PRTG: variants seen among roughly 807,000 people sequenced by gnomAD.
The protein encoded by PRTG is protogenin.
In PRTG, 67 loss-of-function variants were observed where a neutral mutation model predicts 122.5. The observed-to-expected ratio is 0.55, with a 90% CI of 0.45 to 0.67. The LOEUF (loss-of-function observed/expected upper bound fraction) is 0.67, where lower values mean the gene tolerates loss of function less well. Ranked by LOEUF, PRTG falls within the 30% of genes least tolerant of loss-of-function variation. The pLI, the probability that PRTG is intolerant of heterozygous loss-of-function variation, is 0.00. For missense variants in PRTG, 1,435 were observed against 1,415.4 expected (o/e 1.01, Z -0.22); for synonymous variants, 554 against 501.1 (o/e 1.11, Z -1.41).
At chr15:55,628,307 C>G (rs892181211) in intron 16 of PRTG, among the ~76,000 whole-genome samples, 2 of 151,180 alleles carry the variant, frequency 1.3e-5, no homozygotes, top group African/African-American at 2.4e-5. Context: ...CTTGAGAACA[C>G]ATGGACAGCT....
chr15:55,625,626 C>CTTT (rs562628240), intron 17 of PRTG, among the ~76,000 whole-genome samples: 1 of 140,310 alleles, frequency 7.1e-6, no homozygotes. Flanking sequence ...CTAATTTTAA[C>CTTT]TTTTTTTTTT....
chr15:55,729,169 A>G (rs1567117700), intron 2 of PRTG, among the ~76,000 whole-genome samples: 1 of 152,226 alleles, frequency 6.6e-6, no homozygotes, highest in Non-Finnish European at 1.5e-5. Flanking sequence ...CTATCCACAC[A>G]ATGTAATCTT....
intron 2 of PRTG, among the ~76,000 whole-genome samples, chr15:55,698,702 A>G (rs990481579): frequency 1.3e-5 from 2 of 152,178 alleles, no homozygotes; most frequent in African/African-American, 2.4e-5. Flanking sequence ...TTACCTTTAG[A>G]GAAGAAATGA....
Position 55,679,267 on chromosome 15 carries a change from G to A in PRTG, c.1133+19C>T, listed in dbSNP as rs768044415. ...CCATTATATCATATATAAAATGGTA[G>A]CAAAGTTACACAGCCTACCTGTTGT... is the stretch of plus-strand genomic sequence containing the variant. On this transcript the variant is annotated intron_variant, in intron 7 of 19. Transcript: ENST00000389286. 3.1e-5 allele frequency: 48 copies of A among 1,566,764 alleles called. No homozygotes were observed. In the Admixed American group the frequency reaches 4.8e-4, roughly 16 times the overall value.
rs188518401 is a variant in PRTG at position 55,682,646 on chromosome 15, C to T, written c.543-149G>A. 9 of 284,416 alleles carry T rather than the reference C, an allele frequency of 3.2e-5. No homozygotes were observed. In the East Asian group the frequency reaches 4.6e-4, roughly 14 times the overall value. The allele number at this position is 284,416 out of a possible 1,614,324, so 17.6% of individuals were successfully genotyped here. On this transcript the variant is annotated intron_variant, in intron 3 of 19. Transcript: ENST00000389286. Reference sequence around the variant, plus strand: ...ATGGCATGATCTCAGCTCACTGGAACGTCTGTCTCCAGGGTTCAAGCGATT... The same window carrying T: ...ATGGCATGATCTCAGCTCACTGGAATGTCTGTCTCCAGGGTTCAAGCGATT...
chr15:55,636,951 C>G (rs909630540), intron 15 of PRTG, among the ~76,000 whole-genome samples: 1 of 152,150 alleles, frequency 6.6e-6, no homozygotes, highest in African/African-American at 2.4e-5. Context: ...CCGGCTATAT[C>G]TCTTCTATTA....
At position 55,623,452 on chromosome 15, in the gene PRTG, G is replaced by C. The variant is rs2579033; in HGVS notation, c.3093+890C>G. Among the ~76,000 whole-genome samples the C allele has an allele frequency of 1.1e-3, 160 of 151,958 alleles. 6 individuals carry two copies. The highest frequency in any genetic ancestry group is 3.4e-3 in the African/African-American group (141 of 41,430). ...CATGGTGGCGCACGCCTGTAATCCC[G>C]GCTACTCGGGAGGCTGAGGCAGGAG... On this transcript the variant is annotated intron_variant, in intron 18 of 19. Transcript: ENST00000389286.
In PRTG at chr15:55,628,869, G is replaced by A; in HGVS notation, c.2759C>T (p.Ser920Phe). 5.0e-6 allele frequency: 8 copies of A among 1,614,084 alleles called. No homozygotes were observed. The highest frequency in any genetic ancestry group is 6.8e-6 in the Non-Finnish European group (8 of 1,179,984). Residue 920 changes from serine to phenylalanine, a missense_variant, in exon 16 of 20, where the codon TCT (serine) becomes TTT (phenylalanine). Ser to Phe is a radical substitution (Grantham distance 155). Transcript: ENST00000389286. ...ACGCTTGGGCCTCTGATTTGATTCA[G>A]AGGTTTCCTTTGGAAGTACTGCCAG... is the stretch of plus-strand genomic sequence containing the variant. ...VELAVLPKET[S>F]ESNQRPKRLD...
chr15:55,711,199 G>A (rs2030374389), intron 2 of PRTG, among the ~76,000 whole-genome samples: 1 of 151,784 alleles, frequency 6.6e-6, no homozygotes, highest in African/African-American at 2.4e-5. Flanking sequence ...TGAGATTACA[G>A]GCGTGAGCCA....
At chr15:55,679,520 G>A (rs756160518) in intron 6 of PRTG, 75 bp from the exon 7 acceptor site, 7 of 1,146,428 alleles carry the variant, frequency 6.1e-6, no homozygotes, top group East Asian at 2.6e-5. Context: ...GAAGAAAACA[G>A]CAAATGAAAC....
intron 11 of PRTG, among the ~76,000 whole-genome samples, chr15:55,663,426 A>G (rs989123929): frequency 3.9e-5 from 6 of 152,180 alleles, no homozygotes; most frequent in Non-Finnish European, 8.8e-5. Flanking sequence ...CCACAACCAG[A>G]AAAAGAACAA....
intron 15 of PRTG, 28 bp downstream of exon 15, chr15:55,637,142 A>G: frequency 1.4e-6 from 2 of 1,425,200 alleles, no homozygotes; most frequent in Non-Finnish European, 1.9e-6. Flanking sequence ...CGTACTTTTC[A>G]CCCTTCATGG....
chr15:55,625,495 A>C (rs1178116070), intron 17 of PRTG, among the ~76,000 whole-genome samples: 1 of 151,432 alleles, frequency 6.6e-6, no homozygotes, highest in Non-Finnish European at 1.5e-5. Context: ...TCTGCTGCCC[A>C]GGGTGGAGTG....
intron 19 of PRTG, 99 bp from the exon 20 acceptor site, chr15:55,620,365 A>AG: frequency 3.3e-6 from 5 of 1,529,540 alleles, no homozygotes; most frequent in Non-Finnish European, 4.4e-6. Flanking sequence ...AGCACATCAG[A>AG]ATTACCCGTG....
At chr15:55,682,319 G>A (rs143684399) in intron 4 of PRTG, 45 bp downstream of exon 4, 84 of 1,460,286 alleles carry the variant, frequency 5.8e-5, no homozygotes, top group East Asian at 5.7e-4. Flanking sequence ...TAACAACTGC[G>A]CCAATAAAAC....
chr15:55,719,264 G>C (rs2030720382), intron 2 of PRTG, among the ~76,000 whole-genome samples: 1 of 152,172 alleles, frequency 6.6e-6, no homozygotes, highest in African/African-American at 2.4e-5. Flanking sequence ...ATGAGAAATT[G>C]TTGCATATGG....
At chr15:55,669,037 C>T (rs1041756859) in intron 11 of PRTG, among the ~76,000 whole-genome samples, 3 of 151,966 alleles carry the variant, frequency 2.0e-5, no homozygotes, top group Non-Finnish European at 4.4e-5. Context: ...TGAAAATGCT[C>T]GTTAAATGAA....
intron 17 of PRTG, 124 bp downstream of exon 17, chr15:55,626,884 T>C (rs2059197870): frequency 1.3e-6 from 1 of 756,022 alleles, no homozygotes; most frequent in South Asian, 2.5e-5. Context: ...GGAACAATAC[T>C]GCACATTTAT....
chr15:55,639,618 T>C (rs2059278094), intron 13 of PRTG, 24 bp downstream of exon 13: 2 of 1,601,830 alleles, frequency 1.2e-6, no homozygotes, highest in Admixed American at 1.7e-5. Flanking sequence ...GCAAAGAAAA[T>C]AACCATTAAC....
Sources: gnomAD v4.1 joint callset for allele counts (sites outside exome capture counted in the v4.1 genomes callset) on GRCh38, gnomAD v4.1.1 for gene constraint, MANE v1.5 for transcripts, NCBI Gene and HGNC (gene_info 2026-07-23, HGNC 2026-07-21) for gene names.